The following COL4A1 variants were observed in gnomAD, a reference collection of about 807,000 sequenced individuals.
COL4A1 encodes the protein collagen type IV alpha 1 chain.
In COL4A1, 40 loss-of-function variants were observed where a neutral mutation model predicts 216.6. The ratio of observed to expected loss-of-function variants is 0.18; its 90% CI spans 0.14 to 0.24. COL4A1 has a LOEUF of 0.24. COL4A1 is among the 10% of genes least tolerant of loss of function. COL4A1 has a pLI of 1.00. For missense variants in COL4A1, 1,628 were observed against 2,196.8 expected, an observed-to-expected ratio of 0.74 and a Z score of 5.18; for synonymous variants, 839 against 810.7, an observed-to-expected ratio of 1.03 and a Z score of -0.59.
In COL4A1 at chr13:110,276,997, A is replaced by G. The variant is rs1004365587; in HGVS notation, c.84+29947T>C. Among the ~76,000 whole-genome samples, 4 of 152,212 alleles carry G rather than the reference A, an allele frequency of 2.6e-5. No individual in the cohort carries two copies. In the East Asian group the frequency reaches 7.7e-4, roughly 29 times the overall value. ...CAGGGACCCACTGGGATCCTTTTGCAGGGATGTGCGTTTTCTCACAAAGCT... is the reference window on the plus strand; with the variant it reads ...CAGGGACCCACTGGGATCCTTTTGCGGGGATGTGCGTTTTCTCACAAAGCT... On this transcript the variant is annotated intron_variant, in intron 1 of 51. Transcript: ENST00000375820.
At chr13:110,212,096 T>C (rs1879829610) in intron 6 of COL4A1, among the ~76,000 whole-genome samples, 174 bp from the exon 7 acceptor site, 1 of 152,212 alleles carries the variant, frequency 6.6e-6, no homozygotes, top group South Asian at 2.1e-4. Context: ...AGAAATAGAC[T>C]TGATAGTATC....
At chr13:110,236,915 C>A (rs1881341087) in intron 2 of COL4A1, among the ~76,000 whole-genome samples, 1 of 152,158 alleles carries the variant, frequency 6.6e-6, no homozygotes, top group Non-Finnish European at 1.5e-5. Flanking sequence ...GACAATGGGG[C>A]AGGAGTGGCT....
intron 22 of COL4A1, among the ~76,000 whole-genome samples, chr13:110,193,898 G>C (rs1878758657): frequency 6.6e-6 from 1 of 152,226 alleles, no homozygotes; most frequent in Admixed American, 6.5e-5. Context: ...GGGTGTGTCT[G>C]TTCGCAAGGC....
rs768986017 is a variant in COL4A1, at chr13:110,183,076, G to A, written c.2012C>T (p.Thr671Ile). ...GPQGDRGFPGTPGRPGLPGEK... is the reference protein window; with the variant it reads ...GPQGDRGFPGIPGRPGLPGEK... ...TCCTGGCAGGCCTGGCCTTCCTGGG[G>A]TTCCGGGAAAGCCTCGGTCTCCTGT... Residue 671 changes from threonine to isoleucine, a missense_variant, in exon 28 of 52, where the codon ACC (threonine) becomes ATC (isoleucine). By Grantham distance (89) the Thr-to-Ile change is moderately conservative. Around this residue, in one of 8 missense-constraint regions of COL4A1, gnomAD observed 701 missense variants for 892.5 expected, o/e 0.79. Transcript: ENST00000375820. The A allele has an allele frequency of 1.8e-5, 29 of 1,613,190 alleles. 1 individual carries two copies. The South Asian group carries it at 3.1e-4, about 17-fold the overall frequency.
chr13:110,240,265 G>A (rs975050833), intron 2 of COL4A1, among the ~76,000 whole-genome samples: 1 of 152,310 alleles, frequency 6.6e-6, no homozygotes, highest in Non-Finnish European at 1.5e-5. Context: ...AGAAACAGGA[G>A]TGTAGAGGAG....
chr13:110,166,412 T>C (rs1877339005), intron 44 of COL4A1, 109 bp from the exon 45 acceptor site: 2 of 783,650 alleles, frequency 2.6e-6, no homozygotes, highest in Non-Finnish European at 2.3e-6. Flanking sequence ...CACAAATGTA[T>C]AGATAAATGC....
intron 2 of COL4A1, among the ~76,000 whole-genome samples, chr13:110,224,794 T>G (rs986784111): frequency 4.6e-5 from 7 of 152,144 alleles, no homozygotes; most frequent in African/African-American, 1.7e-4. Context: ...ATAATGTATG[T>G]GGGTGTGGGG....
chr13:110,169,417 T>G (rs1233889557), intron 43 of COL4A1, among the ~76,000 whole-genome samples: 1 of 151,852 alleles, frequency 6.6e-6, no homozygotes, highest in Non-Finnish European at 1.5e-5. Context: ...TACAATAGTT[T>G]CCTACTCTGA....
At chr13:110,241,264 A>G (rs1338758656) in intron 2 of COL4A1, among the ~76,000 whole-genome samples, 1 of 152,236 alleles carries the variant, frequency 6.6e-6, no homozygotes, top group Non-Finnish European at 1.5e-5. Context: ...CCGGCTGGAC[A>G]GAAGCAAATG....
Position 110,155,288 on chromosome 13 carries a change from C to G in COL4A1, c.4750G>C (p.Val1584Leu). Residue 1584 changes from valine (V) to leucine (L), a missense_variant, in exon 50 of 52, where the codon GTG becomes CTG. Physicochemically the swap from Val to Leu is conservative, Grantham distance 32 (BLOSUM62 1). Transcript: ENST00000375820. ...GCGTCTCCCCAGACACTTACCATCA[C>G]AAAAGAGTAGCCGATCCACAGCGAG... ...WSSLWIGYSF[V>L]MHTSAGAEGS... is the part of the protein sequence containing the mutation. The G allele has an allele frequency of 1.2e-6, 2 of 1,613,008 alleles. No individual in the cohort carries two copies. Among genetic ancestry groups the G allele is most frequent in the Non-Finnish European group, 1.7e-6 (2 of 1,178,968 alleles).
chr13:110,210,482 C>T (rs1158094262), intron 8 of COL4A1, among the ~76,000 whole-genome samples: 2 of 150,088 alleles, frequency 1.3e-5, no homozygotes, highest in South Asian at 2.1e-4. Flanking sequence ...GCCACACTGC[C>T]CGAGGACCAC....
At chr13:110,227,258 T>G (rs1379587591) in intron 2 of COL4A1, among the ~76,000 whole-genome samples, 4 of 152,112 alleles carry the variant, frequency 2.6e-5, no homozygotes, top group African/African-American at 9.7e-5. Context: ...AGTTTGCAAA[T>G]TATGAGGTAT....
chr13:110,304,510 A>G (rs1884609390), intron 1 of COL4A1, among the ~76,000 whole-genome samples: 1 of 152,352 alleles, frequency 6.6e-6, no homozygotes. Flanking sequence ...CATTCCGCCC[A>G]GTGCAACTGA....
chr13:110,169,264 A>G (rs1006915431), intron 43 of COL4A1, among the ~76,000 whole-genome samples: 1 of 152,214 alleles, frequency 6.6e-6, no homozygotes, highest in Non-Finnish European at 1.5e-5. Context: ...AGTTTTACAG[A>G]ATTGTTCTCT....
chr13:110,303,931 G>C (rs1473420563), intron 1 of COL4A1, among the ~76,000 whole-genome samples: 1 of 152,232 alleles, frequency 6.6e-6, no homozygotes, highest in East Asian at 1.9e-4. Context: ...CAGGGAAACT[G>C]AGGTATAGAG....
chr13:110,255,400 GGC>G (rs1454701292), intron 1 of COL4A1, among the ~76,000 whole-genome samples: 6 of 150,582 alleles, frequency 4.0e-5, no homozygotes, highest in East Asian at 4.0e-4. Context: ...GCTAGAGCAG[GGC>G]AGCCGCAAGA....
chr13:110,193,197 G>T (rs1374574218), intron 22 of COL4A1, among the ~76,000 whole-genome samples: 1 of 152,248 alleles, frequency 6.6e-6, no homozygotes, highest in Non-Finnish European at 1.5e-5. Flanking sequence ...CCAGCGAAAA[G>T]ACAGGGCTGC....
chr13:110,261,383 C>G lies in COL4A1; in HGVS notation c.85-18649G>C, dbSNP rs562260006. On this transcript the variant is annotated intron_variant, in intron 1 of 51. Transcript: ENST00000375820. ...TTGAAGTTGCTTCCTTTCCACCTCTCGGATTTGGGAGCCTGCTAACTCACT... is the reference window on the plus strand; with the variant it reads ...TTGAAGTTGCTTCCTTTCCACCTCTGGGATTTGGGAGCCTGCTAACTCACT... Among the ~76,000 whole-genome samples the G allele has an allele frequency of 7.2e-5, 11 of 152,340 alleles. No homozygotes were observed. In the South Asian group the frequency reaches 1.2e-3, roughly 17 times the overall value.
rs1160881555 is a variant in COL4A1 at position 110,161,337 on chromosome 13, T to A, written c.4495A>T (p.Thr1499Ser). 1.2e-6 allele frequency: 2 copies of A among 1,613,942 alleles called. No homozygotes were observed. Among genetic ancestry groups the A allele is most frequent in the Non-Finnish European group, 1.7e-6 (2 of 1,179,892 alleles). ...TAGSCLRKFS[T>S]MPFLFCNINN... The stretch of plus-strand genomic sequence containing the variant: ...ATATTGCAGAACAGGAAGGGCATTG[T>A]GCTGAACTTGCGCAGGCAGCTGCCG... The change falls in exon 49 of 52, where the codon ACA (threonine) becomes TCA (serine). Residue 1499 changes from threonine to serine, a missense_variant. Thr to Ser is a moderately conservative substitution (Grantham distance 58). Around this residue, in one of 8 missense-constraint regions of COL4A1, gnomAD observed 254 missense variants for 300.1 expected, o/e 0.85. Transcript: ENST00000375820.
Sources: allele counts gnomAD v4.1 joint callset (sites outside exome capture counted in the v4.1 genomes callset), GRCh38; gene constraint gnomAD v4.1.1; regional missense constraint gnomAD v4.1.1; transcripts MANE v1.5; gene names NCBI Gene and HGNC (gene_info 2026-07-23, HGNC 2026-07-21).